The following NBEA variants were observed in gnomAD, a reference collection of about 807,000 sequenced individuals.
NBEA encodes lysosomal-trafficking regulator 2.
NBEA carries 44 observed loss-of-function variants against 343.4 expected under a neutral mutation model. The ratio of observed to expected loss-of-function variants is 0.13; its 90% CI spans 0.10 to 0.16. NBEA has a LOEUF of 0.16. Among genes scored for constraint, NBEA ranks in the 10% least tolerant of loss-of-function variants. The probability of loss-of-function intolerance (pLI) is 1.00; values close to 1 mark genes in which losing one functional copy is unlikely to be tolerated. For synonymous variants in NBEA, 1,175 were observed against 1,238.7 expected (o/e 0.95, Z 1.08); for missense variants, 2,555 against 3,631.3 (o/e 0.70, Z 7.62).
chr13:35,090,975 C>G (rs2065051358), intron 10 of NBEA, among the ~76,000 whole-genome samples: 1 of 151,870 alleles, frequency 6.6e-6, no homozygotes, highest in African/African-American at 2.4e-5. Flanking sequence ...GATTGAAAAC[C>G]TGAAATTGTG....
chr13:35,098,784 G>T (rs906724215), intron 11 of NBEA, among the ~76,000 whole-genome samples: 6 of 152,024 alleles, frequency 3.9e-5, no homozygotes, highest in Admixed American at 2.6e-4. Flanking sequence ...TCTAAATTGT[G>T]TGCTGTTCTG....
In NBEA at chr13:35,601,759, C is replaced by T. The variant is rs1445464418; in HGVS notation, c.7297-4667C>T. Among the ~76,000 whole-genome samples, 7 of 43,152 alleles carry T rather than the reference C, an allele frequency of 1.6e-4. No individual in the cohort carries two copies. The East Asian group carries it at 2.3e-3, about 14-fold the overall frequency. The allele number at this position is 43,152 out of a possible 152,430, so 28.3% of individuals were successfully genotyped here. A position where few individuals can be genotyped will look rare whatever the true frequency, so the allele number is the denominator to read the frequency against. ...CCTGGGTGGCAGAGCAGGACTCCAT[C>T]GCAAAAAAAAAAAAAAAAAAAAAAA... On this transcript the variant is annotated intron_variant, in intron 47 of 58. Transcript: ENST00000379939.
At chr13:34,977,057 C>T (rs570309457) in intron 1 of NBEA, among the ~76,000 whole-genome samples, 1 of 151,440 alleles carries the variant, frequency 6.6e-6, no homozygotes, top group South Asian at 2.1e-4. Flanking sequence ...TCTCCTGCCT[C>T]AGCCTCCCAA....
chr13:35,374,884 T>C (rs903222677), intron 38 of NBEA, among the ~76,000 whole-genome samples: 21 of 152,098 alleles, frequency 1.4e-4, no homozygotes, highest in African/African-American at 4.8e-4. Context: ...AATTTATCAA[T>C]GCATTGTACT....
intron 12 of NBEA, among the ~76,000 whole-genome samples, chr13:35,110,166 A>G: frequency 6.8e-6 from 1 of 148,106 alleles, no homozygotes; most frequent in African/African-American, 2.5e-5. Flanking sequence ...CTAACGTGTC[A>G]TCTAGCATTA....
chr13:35,109,253 G>C, intron 11 of NBEA, 37 bp from the exon 12 acceptor site: 1 of 1,518,500 alleles, frequency 6.6e-7, no homozygotes, highest in South Asian at 1.3e-5. Context: ...TTGATATTCT[G>C]GATGTTTCAA....
In NBEA at chr13:35,070,881, G is replaced by A. The variant is rs779807448; in HGVS notation, c.1571+29G>A. On this transcript the variant is annotated intron_variant, in intron 10 of 58. Coordinates refer to ENST00000379939, the MANE Select transcript of NBEA (RefSeq NM_001385012.1). ...AGTTTTCTTTGCATGTACAATTGCT[G>A]GTATTTTATACACACTTAAGACTAT... 8.1e-6 allele frequency: 13 copies of A among 1,607,056 alleles called. No individual in the cohort carries two copies. In the East Asian group the frequency reaches 2.9e-4, roughly 36 times the overall value.
At chr13:35,468,118 C>T (rs1373520212) in intron 40 of NBEA, among the ~76,000 whole-genome samples, 1 of 145,364 alleles carries the variant, frequency 6.9e-6, no homozygotes, top group African/African-American at 2.6e-5. Flanking sequence ...ACCCCCCCCC[C>T]ACTCCCCTCC....
chr13:35,489,853 A>G (rs2076440625), intron 41 of NBEA, among the ~76,000 whole-genome samples: 1 of 151,930 alleles, frequency 6.6e-6, no homozygotes, highest in East Asian at 1.9e-4. Context: ...GAAGTTTCCT[A>G]TTTCTTAATT....
chr13:35,070,221 T>A (rs923490890), intron 9 of NBEA, 116 bp downstream of exon 9: 1 of 1,031,254 alleles, frequency 9.7e-7, no homozygotes, highest in African/African-American at 1.7e-5. Context: ...CTTTTTTGGC[T>A]TTTGCAGATC....
intron 18 of NBEA, among the ~76,000 whole-genome samples, chr13:35,153,029 A>C (rs1593527515): frequency 7.0e-6 from 1 of 143,686 alleles, no homozygotes. Flanking sequence ...TTAAACTTAC[A>C]TAGGTTCTTT....
chr13:35,546,752 G>A (rs7996845), intron 41 of NBEA, among the ~76,000 whole-genome samples: 134,909 of 151,776 alleles, frequency 0.89, 60,883 homozygotes, highest in East Asian at 1. Flanking sequence ...ATGAGGTTTC[G>A]CCATATTGGC....
chr13:35,551,255 A>T (rs192188101), intron 43 of NBEA, among the ~76,000 whole-genome samples: 1 of 152,178 alleles, frequency 6.6e-6, no homozygotes, highest in Non-Finnish European at 1.5e-5. Context: ...ATAACAAAGT[A>T]AAAAACTTGA....
At chr13:35,256,853 G>A (rs1444399644) in intron 34 of NBEA, among the ~76,000 whole-genome samples, 1 of 152,214 alleles carries the variant, frequency 6.6e-6, no homozygotes, top group Non-Finnish European at 1.5e-5. Context: ...AGCCTGTGGG[G>A]GCAAGGGCTT....
intron 41 of NBEA, among the ~76,000 whole-genome samples, chr13:35,547,145 C>T (rs2079103789): frequency 6.6e-6 from 1 of 152,084 alleles, no homozygotes; most frequent in Non-Finnish European, 1.5e-5. Flanking sequence ...TTTTGAAAAG[C>T]ATATAAGAAC....
chr13:35,594,598 C>T (rs138985615), intron 47 of NBEA, among the ~76,000 whole-genome samples: 245 of 152,116 alleles, frequency 1.6e-3, no homozygotes, highest in African/African-American at 5.1e-3. Context: ...GAAGTTCTAA[C>T]GGTCTTACAA....
chr13:35,630,545 C>G (rs1383135363), intron 49 of NBEA, among the ~76,000 whole-genome samples: 1 of 152,162 alleles, frequency 6.6e-6, no homozygotes, highest in Non-Finnish European at 1.5e-5. Context: ...CAGCTCAGGA[C>G]TCTGTCTCCT....
intron 41 of NBEA, among the ~76,000 whole-genome samples, chr13:35,486,023 T>C (rs1203656557): frequency 6.6e-6 from 1 of 151,858 alleles, no homozygotes; most frequent in African/African-American, 2.4e-5. Context: ...TTGTTTAGTC[T>C]AAAAAATAGG....
chr13:34,974,095 G>T (rs1052845755), intron 1 of NBEA, among the ~76,000 whole-genome samples: 1 of 152,200 alleles, frequency 6.6e-6, no homozygotes, highest in Non-Finnish European at 1.5e-5. Flanking sequence ...ATTCACTCAC[G>T]ACTTCACTTG....
Sources: allele counts gnomAD v4.1 joint callset (sites outside exome capture counted in the v4.1 genomes callset), GRCh38; gene constraint gnomAD v4.1.1; transcripts MANE v1.5; gene names NCBI Gene and HGNC (gene_info 2026-07-23, HGNC 2026-07-21).